RELCH: variants seen among roughly 807,000 people sequenced by gnomAD.
RELCH encodes RAB11 binding and LisH domain, coiled-coil and HEAT repeat containing.
Under a neutral mutation model 150.3 loss-of-function variants are expected in RELCH, and 41 were observed. That is an observed-to-expected ratio of 0.27 (90% CI 0.21 to 0.35). The LOEUF is 0.35. Among genes scored for constraint, RELCH ranks in the 10% least tolerant of loss-of-function variants. The pLI, the probability that RELCH is intolerant of heterozygous loss-of-function variation, is 1.00. For synonymous variants in RELCH, 478 were observed against 531.8 expected (o/e 0.90, Z 1.39); for missense variants, 1,092 against 1,467.8 (o/e 0.74, Z 4.18).
intron 22 of RELCH, 23 bp from the exon 23 acceptor site, chr18:62,279,751 T>C: frequency 1.4e-6 from 2 of 1,481,348 alleles, no homozygotes; most frequent in South Asian, 1.2e-5. Context: ...CACCTGTGAA[T>C]ACCCCCTGTG....
intron 5 of RELCH, 99 bp downstream of exon 5, chr18:62,221,596 A>C: frequency 2.0e-6 from 1 of 510,376 alleles, no homozygotes; most frequent in South Asian, 3.9e-5. Context: ...AGTTATATAT[A>C]TAGTAAAATT....
At chr18:62,304,981 A>T (rs1273637134) in intron 28 of RELCH, among the ~76,000 whole-genome samples, 1 of 152,224 alleles carries the variant, frequency 6.6e-6, no homozygotes, top group Admixed American at 6.5e-5. Flanking sequence ...ATCTTCCAGG[A>T]TTGCTGTAAG....
At chr18:62,237,704 A>G (rs2041948155) in intron 10 of RELCH, among the ~76,000 whole-genome samples, 1 of 151,760 alleles carries the variant, frequency 6.6e-6, no homozygotes. Context: ...GCAATACCAA[A>G]CATGATTTTA....
Position 62,227,582 on chromosome 18 carries a change from C to G in RELCH, c.1063-16C>G. On this transcript the variant is annotated splice_polypyrimidine_tract_variant and intron_variant, in intron 6 of 28. Coordinates refer to ENST00000644646, the MANE Select transcript of RELCH (RefSeq NM_001346231.2). ...TGAGATCTTGAGTTTCTGTTTTTCT[C>G]CTGTTTTGATTTTAGAACTCCATGT... is the stretch of plus-strand genomic sequence containing the variant. 1.3e-6 allele frequency: 2 copies of G among 1,529,768 alleles called. No individual in the cohort carries two copies. The highest frequency in any genetic ancestry group is 1.8e-5 in the Admixed American group (1 of 54,200). The allele number at this position is 1,529,768 out of a possible 1,614,324, so 94.8% of individuals were successfully genotyped here.
At chr18:62,195,100 G>A (rs886144490) in intron 1 of RELCH, among the ~76,000 whole-genome samples, 2 of 152,058 alleles carry the variant, frequency 1.3e-5, no homozygotes, top group African/African-American at 4.8e-5. Context: ...AGCTTTATAA[G>A]TTTGATGTTT....
intron 1 of RELCH, among the ~76,000 whole-genome samples, chr18:62,196,301 C>T (rs1183052914): frequency 2.0e-5 from 3 of 152,168 alleles, no homozygotes; most frequent in East Asian, 3.9e-4. Flanking sequence ...ACAATCTTGG[C>T]TCGCTGCAAC....
chr18:62,247,136 T>G (rs560961206), intron 11 of RELCH: 2 of 152,326 alleles, frequency 1.3e-5, no homozygotes, highest in South Asian at 4.1e-4. Context: ...GGCTCCTCCC[T>G]TTCTCTCAAA....
At position 62,211,163 on chromosome 18, in the gene RELCH, G is replaced by A; in HGVS notation, c.537G>A (p.Gly179=). The part of the protein sequence containing the change: ...ASGGGQLNRA[G]SISTLDSLDF... ...TTCTCTTTATTATAGATCGAGCTGG[G>A]AGCATTAGTACCCTTGATTCTTTAG... Residue 179 remains glycine (G), a synonymous_variant, in exon 2 of 29, where the codon GGG becomes GGA. Transcript: ENST00000644646. The A allele has an allele frequency of 6.3e-7, 1 of 1,588,018 alleles. No individual in the cohort carries two copies. The highest frequency in any genetic ancestry group is 1.7e-4 in the Middle Eastern group (1 of 5,984).
chr18:62,295,815 C>T (rs1052924415), intron 27 of RELCH, among the ~76,000 whole-genome samples: 7 of 152,128 alleles, frequency 4.6e-5, no homozygotes, highest in African/African-American at 7.2e-5. Context: ...TCAAGCGATC[C>T]ACCCACCTTG....
intron 22 of RELCH, among the ~76,000 whole-genome samples, chr18:62,279,074 A>G (rs2144917556): frequency 6.6e-6 from 1 of 152,290 alleles, no homozygotes; most frequent in Admixed American, 6.5e-5. Flanking sequence ...TGAGGTAGAT[A>G]ATAATATCAC....
Position 62,252,649 on chromosome 18 carries a change from T to A in RELCH, c.1734-15T>A. Reference sequence around the variant, plus strand: ...TCTCATGCAAATACAAGCCGTTTTTTATATTATTTTTCAGGCAAATGATAC... The same window carrying A: ...TCTCATGCAAATACAAGCCGTTTTTAATATTATTTTTCAGGCAAATGATAC... On this transcript the variant is annotated splice_polypyrimidine_tract_variant and intron_variant, in intron 11 of 28. Transcript: ENST00000644646. 1 of 1,610,694 alleles carries A rather than the reference T, an allele frequency of 6.2e-7. No individual in the cohort carries two copies. The highest frequency in any genetic ancestry group is 8.5e-7 in the Non-Finnish European group (1 of 1,176,922).
intron 12 of RELCH, among the ~76,000 whole-genome samples, chr18:62,253,952 A>G (rs1198928581): frequency 1.3e-5 from 2 of 152,032 alleles, no homozygotes; most frequent in Non-Finnish European, 2.9e-5. Flanking sequence ...CAAGTGTACA[A>G]TTTAATGGTT....
chr18:62,250,022 C>T (rs1294472966), intron 11 of RELCH, among the ~76,000 whole-genome samples: 1 of 151,958 alleles, frequency 6.6e-6, no homozygotes, highest in Non-Finnish European at 1.5e-5. Context: ...TAATTGGTAC[C>T]ATATGTCTAC....
intron 22 of RELCH, 119 bp downstream of exon 22, chr18:62,275,592 T>C: frequency 1.5e-6 from 1 of 686,338 alleles, no homozygotes; most frequent in Non-Finnish European, 2.6e-6. Flanking sequence ...GATATATATT[T>C]TATGGCTTTG....
intron 8 of RELCH, 101 bp downstream of exon 8, chr18:62,228,699 C>A: frequency 1.2e-6 from 1 of 817,670 alleles, no homozygotes; most frequent in Non-Finnish European, 1.8e-6. Context: ...TTTTGCAGAT[C>A]AAATATATTA....
intron 16 of RELCH, among the ~76,000 whole-genome samples, chr18:62,262,164 A>G (rs998382382): frequency 6.6e-6 from 1 of 152,112 alleles, no homozygotes; most frequent in African/African-American, 2.4e-5. Flanking sequence ...TTTCCAAAGA[A>G]GAAATGTGAC....
intron 14 of RELCH, 61 bp from the exon 15 acceptor site, chr18:62,258,451 A>G: frequency 7.4e-7 from 1 of 1,342,888 alleles, no homozygotes; most frequent in Non-Finnish European, 1.0e-6. Context: ...ACTTTTTATT[A>G]AGTGTTTTAT....
intron 1 of RELCH, among the ~76,000 whole-genome samples, chr18:62,208,791 A>G (rs1347340896): frequency 6.6e-6 from 1 of 152,198 alleles, no homozygotes; most frequent in African/African-American, 2.4e-5. Context: ...TAGTTTGGTA[A>G]GGATAATGGC....
intron 8 of RELCH, among the ~76,000 whole-genome samples, chr18:62,230,695 C>T (rs999073056): frequency 6.6e-6 from 1 of 151,966 alleles, no homozygotes; most frequent in Non-Finnish European, 1.5e-5. Context: ...GCTGTGCCTC[C>T]GTTTATCTTT....
Sources: gnomAD v4.1 joint callset for allele counts (sites outside exome capture counted in the v4.1 genomes callset) on GRCh38, gnomAD v4.1.1 for gene constraint, MANE v1.5 for transcripts, NCBI Gene and HGNC (gene_info 2026-07-23, HGNC 2026-07-21) for gene names.